Variants in ATP6V1H observed in about 807,000 individuals in gnomAD.
The protein encoded by ATP6V1H is V-type proton ATPase subunit H.
Under a neutral mutation model 71.7 loss-of-function variants are expected in ATP6V1H, and 39 were observed. The observed-to-expected ratio is 0.54, with a 90% CI of 0.42 to 0.71. The LOEUF (loss-of-function observed/expected upper bound fraction) is 0.71, where lower values mean the gene tolerates loss of function less well. Among genes scored for constraint, ATP6V1H ranks in the 30% least tolerant of loss-of-function variants. The pLI, the probability that ATP6V1H is intolerant of heterozygous loss-of-function variation, is 0.00. For missense variants in ATP6V1H, 509 were observed against 594.9 expected, an observed-to-expected ratio of 0.86 and a Z score of 1.50; for synonymous variants, 192 against 199.3, an observed-to-expected ratio of 0.96 and a Z score of 0.31.
intron 13 of ATP6V1H, among the ~76,000 whole-genome samples, chr8:53,724,840 C>T (rs918038075): frequency 2.0e-5 from 3 of 149,498 alleles, no homozygotes; most frequent in Admixed American, 2.0e-4. Flanking sequence ...ATCCTTGAGA[C>T]ATAACCTTGT....
chr8:53,753,826 C>T (rs1201992759), intron 12 of ATP6V1H, among the ~76,000 whole-genome samples: 1 of 152,164 alleles, frequency 6.6e-6, no homozygotes. Flanking sequence ...CTTGATATTA[C>T]AGTGTCAACA....
intron 7 of ATP6V1H, chr8:53,806,670 G>A (rs1382890560): frequency 1.1e-5 from 3 of 264,814 alleles, no homozygotes; most frequent in Admixed American, 9.3e-5. Flanking sequence ...TATTAGGTTA[G>A]CTTATTATTG....
chr8:53,839,518 A>G, intron 2 of ATP6V1H: 10 of 812,844 alleles, frequency 1.2e-5, no homozygotes, highest in Non-Finnish European at 1.5e-5. Flanking sequence ...CCCACACACC[A>G]AATCAATCAC....
At chr8:53,753,119 T>C (rs1807860991) in intron 12 of ATP6V1H, among the ~76,000 whole-genome samples, 1 of 145,970 alleles carries the variant, frequency 6.9e-6, no homozygotes, top group South Asian at 2.1e-4. Context: ...AAAAGCAGAG[T>C]CTTAATGAGG....
At chr8:53,780,513 AAT>A (rs1259370902) in intron 9 of ATP6V1H, among the ~76,000 whole-genome samples, 26 of 152,194 alleles carry the variant, frequency 1.7e-4, no homozygotes, top group African/African-American at 5.5e-4. Flanking sequence ...CATTTTTTGA[AAT>A]ATGTTATATT....
chr8:53,749,385 G>A (rs1284072888), intron 12 of ATP6V1H, among the ~76,000 whole-genome samples: 1 of 152,132 alleles, frequency 6.6e-6, no homozygotes, highest in Non-Finnish European at 1.5e-5. Context: ...GTACTCGAGG[G>A]CTGGCCAGGC....
intron 13 of ATP6V1H, among the ~76,000 whole-genome samples, chr8:53,736,340 A>G (rs996471635): frequency 6.6e-6 from 1 of 152,220 alleles, no homozygotes; most frequent in African/African-American, 2.4e-5. Flanking sequence ...AGCCTAGGCC[A>G]TGTTATGTTT....
intron 10 of ATP6V1H, among the ~76,000 whole-genome samples, chr8:53,771,526 G>A (rs904006941): frequency 6.6e-6 from 1 of 152,038 alleles, no homozygotes; most frequent in Non-Finnish European, 1.5e-5. Context: ...GAGTGGCATG[G>A]AGTCCCTTCC....
At chr8:53,720,108 AAT>A in intron 13 of ATP6V1H, among the ~76,000 whole-genome samples, 1 of 152,332 alleles carries the variant, frequency 6.6e-6, no homozygotes, top group Non-Finnish European at 1.5e-5. Context: ...TTCAACTTAT[AAT>A]TCAGTCAAAA....
chr8:53,773,812 C>CA (rs1210229141), intron 9 of ATP6V1H, among the ~76,000 whole-genome samples: 1 of 151,914 alleles, frequency 6.6e-6, no homozygotes, highest in South Asian at 2.1e-4. Flanking sequence ...AAATTTCAAA[C>CA]AAAAAACTTA....
At chr8:53,719,345 A>AT (rs1326319749) in intron 13 of ATP6V1H, among the ~76,000 whole-genome samples, 3 of 151,604 alleles carry the variant, frequency 2.0e-5, no homozygotes, top group Non-Finnish European at 4.4e-5. Context: ...TAATTTTTGT[A>AT]TTTTCAGTAG....
intron 12 of ATP6V1H, among the ~76,000 whole-genome samples, chr8:53,755,022 A>G (rs1199814754): frequency 2.6e-5 from 4 of 152,168 alleles, no homozygotes; most frequent in African/African-American, 7.2e-5. Context: ...TCTGTTCCCA[A>G]TAAATTTTTC....
intron 12 of ATP6V1H, among the ~76,000 whole-genome samples, chr8:53,750,494 G>A (rs901049443): frequency 6.6e-5 from 10 of 152,094 alleles, no homozygotes; most frequent in African/African-American, 1.9e-4. Context: ...GACATTATTC[G>A]AGGACCTGCT....
chr8:53,821,799 A>G (rs149498446), intron 4 of ATP6V1H, among the ~76,000 whole-genome samples: 1 of 152,342 alleles, frequency 6.6e-6, no homozygotes, highest in Non-Finnish European at 1.5e-5. Context: ...AAACTACCAT[A>G]AAAAGAAACC....
chr8:53,759,570 C>T (rs1808189894), intron 11 of ATP6V1H, among the ~76,000 whole-genome samples: 2 of 152,136 alleles, frequency 1.3e-5, no homozygotes, highest in Non-Finnish European at 2.9e-5. Flanking sequence ...AATTCTGCCT[C>T]GACATTAGCT....
At chr8:53,822,694 A>G (rs929406089) in intron 4 of ATP6V1H, among the ~76,000 whole-genome samples, 1 of 152,120 alleles carries the variant, frequency 6.6e-6, no homozygotes, top group Non-Finnish European at 1.5e-5. Flanking sequence ...GGTTTAATTC[A>G]CCTATTAAAA....
At chr8:53,835,527 G>T (rs1790657736) in intron 2 of ATP6V1H, among the ~76,000 whole-genome samples, 1 of 152,152 alleles carries the variant, frequency 6.6e-6, no homozygotes, top group Non-Finnish European at 1.5e-5. Flanking sequence ...TGTCCCTTCT[G>T]GGTTTTGTAC....
At chr8:53,815,471 C>T (rs1418413068) in intron 5 of ATP6V1H, among the ~76,000 whole-genome samples, 2 of 152,144 alleles carry the variant, frequency 1.3e-5, no homozygotes, top group African/African-American at 4.8e-5. Context: ...CACTAGCTAA[C>T]CTCAAAATAA....
At chr8:53,717,647 A>G (rs1806471368) in intron 13 of ATP6V1H, among the ~76,000 whole-genome samples, 1 of 152,188 alleles carries the variant, frequency 6.6e-6, no homozygotes, top group Admixed American at 6.5e-5. Flanking sequence ...AGGAAAAACA[A>G]GAGTTTACAG....
Sources: allele counts gnomAD v4.1 joint callset (sites outside exome capture counted in the v4.1 genomes callset), GRCh38; gene constraint gnomAD v4.1.1; transcripts MANE v1.5; gene names NCBI Gene and HGNC (gene_info 2026-07-23, HGNC 2026-07-21).